Variants in RBFOX1 observed in about 807,000 individuals in gnomAD.
RBFOX1 encodes RNA binding protein fox-1 homolog 1.
In RBFOX1, 8 loss-of-function variants were observed where a neutral mutation model predicts 57.7. That is an observed-to-expected ratio of 0.14 (90% CI 0.08 to 0.25). RBFOX1 has a LOEUF of 0.25. Ranked by LOEUF, RBFOX1 falls within the 10% of genes least tolerant of loss-of-function variation. The pLI, the probability that RBFOX1 is intolerant of heterozygous loss-of-function variation, is 1.00. For missense variants in RBFOX1, 611 were observed against 548.5 expected (o/e 1.11, Z -1.14); for synonymous variants, 326 against 222.4 (o/e 1.47, Z -4.15).
intron 1 of RBFOX1, among the ~76,000 whole-genome samples, chr16:6,055,515 C>G (rs1179574611): frequency 6.7e-6 from 1 of 149,898 alleles, no homozygotes; most frequent in East Asian, 2.0e-4. Flanking sequence ...ATGGCATGAA[C>G]CCAGGAGGCA....
chr16:7,287,840 T>C (rs1479422170), intron 4 of RBFOX1, among the ~76,000 whole-genome samples: 1 of 152,210 alleles, frequency 6.6e-6, no homozygotes, highest in South Asian at 2.1e-4. Flanking sequence ...ATTATGGATT[T>C]GCATATTACC....
chr16:6,328,983 A>G (rs533304472), intron 2 of RBFOX1, among the ~76,000 whole-genome samples: 2 of 152,302 alleles, frequency 1.3e-5, no homozygotes, highest in East Asian at 3.9e-4. Context: ...TCCCTAGGAA[A>G]TCAGCAGCTG....
intron 3 of RBFOX1, among the ~76,000 whole-genome samples, chr16:5,665,505 G>A (rs985175095): frequency 2.0e-5 from 3 of 152,082 alleles, no homozygotes; most frequent in South Asian, 2.1e-4. Flanking sequence ...TGAAATAGTC[G>A]CCATTGATAA....
intron 3 of RBFOX1, among the ~76,000 whole-genome samples, chr16:5,818,263 G>A (rs1225923163): frequency 6.6e-6 from 1 of 152,114 alleles, no homozygotes; most frequent in East Asian, 1.9e-4. Context: ...TTGCATATGA[G>A]GCAATGGACT....
chr16:6,667,649 A>G (rs2098741010), intron 3 of RBFOX1, among the ~76,000 whole-genome samples: 1 of 152,068 alleles, frequency 6.6e-6, no homozygotes, highest in African/African-American at 2.4e-5. Context: ...TTTGGACACA[A>G]GTGGGAGGAT....
At chr16:6,935,390 C>T (rs1307360197) in intron 3 of RBFOX1, among the ~76,000 whole-genome samples, 3 of 152,164 alleles carry the variant, frequency 2.0e-5, no homozygotes, top group Admixed American at 6.5e-5. Flanking sequence ...GACACAATAC[C>T]ATGTGACTTC....
chr16:6,879,642 A>T (rs986649397), intron 3 of RBFOX1, among the ~76,000 whole-genome samples: 1 of 152,198 alleles, frequency 6.6e-6, no homozygotes, highest in African/African-American at 2.4e-5. Flanking sequence ...TAGGAGCTTC[A>T]AGTAAGGTCC....
chr16:6,464,409 C>T (rs138908578), intron 2 of RBFOX1, among the ~76,000 whole-genome samples: 10 of 138,666 alleles, frequency 7.2e-5, no homozygotes, highest in South Asian at 2.3e-4. Context: ...AAAATAGCTA[C>T]GCCAATACAC....
At chr16:6,036,012 A>T (rs1325875174) in intron 1 of RBFOX1, among the ~76,000 whole-genome samples, 1 of 152,158 alleles carries the variant, frequency 6.6e-6, no homozygotes, top group Non-Finnish European at 1.5e-5. Context: ...ATATACTATC[A>T]TCCTATGTAT....
intron 4 of RBFOX1, among the ~76,000 whole-genome samples, chr16:7,265,287 C>T (rs138601877): frequency 1.3e-5 from 2 of 151,660 alleles, no homozygotes; most frequent in Non-Finnish European, 2.9e-5. Context: ...ATCATGTGGT[C>T]TCGGTGGCTT....
chr16:7,214,423 C>G (rs1264995595), intron 4 of RBFOX1, among the ~76,000 whole-genome samples: 1 of 152,084 alleles, frequency 6.6e-6, no homozygotes, highest in African/African-American at 2.4e-5. Context: ...CATGGGCAGA[C>G]TGCTCCCTTC....
At position 7,396,863 on chromosome 16, in the gene RBFOX1, C is replaced by T. The variant is rs191589226; in HGVS notation, c.28-121284C>T. Among the ~76,000 whole-genome samples, 321 of 152,272 alleles carry T rather than the reference C, an allele frequency of 2.1e-3. 1 individual carries two copies. Among genetic ancestry groups the T allele is most frequent in the Non-Finnish European group, 3.7e-3 (252 of 68,030 alleles). ...GGCTGAGGCATGGGAATCACTTAAA[C>T]CCAGGAGACAGAGGTTGCAGTGAGC... On this transcript the variant is annotated intron_variant, in intron 4 of 15. Coordinates refer to ENST00000550418, the MANE Select transcript of RBFOX1 (RefSeq NM_018723.4).
chr16:5,516,857 G>C (rs774400735), intron 2 of RBFOX1, among the ~76,000 whole-genome samples: 10 of 152,124 alleles, frequency 6.6e-5, no homozygotes, highest in African/African-American at 1.9e-4. Context: ...TGCCATGATT[G>C]TAAGTTTCCT....
At chr16:7,211,489 A>C (rs2091130502) in intron 4 of RBFOX1, among the ~76,000 whole-genome samples, 1 of 151,970 alleles carries the variant, frequency 6.6e-6, no homozygotes, top group African/African-American at 2.4e-5. Context: ...TCTAGGCTCT[A>C]GGACTCTATC....
chr16:7,200,505 T>C (rs1363502349), intron 4 of RBFOX1, among the ~76,000 whole-genome samples: 1 of 152,220 alleles, frequency 6.6e-6, no homozygotes, highest in Non-Finnish European at 1.5e-5. Flanking sequence ...GATGTTGCAA[T>C]ATACCCCACA....
intron 2 of RBFOX1, among the ~76,000 whole-genome samples, chr16:6,425,623 A>T: frequency 6.6e-6 from 1 of 152,048 alleles, no homozygotes; most frequent in East Asian, 1.9e-4. Context: ...TGTGAAGAAA[A>T]TTGTTTGTTT....
chr16:6,855,383 G>A (rs1193500288), intron 3 of RBFOX1, among the ~76,000 whole-genome samples: 1 of 152,068 alleles, frequency 6.6e-6, no homozygotes, highest in African/African-American at 2.4e-5. Flanking sequence ...CGGGCGCAGT[G>A]GCTCACGCCT....
chr16:6,735,911 G>C (rs2070117320), intron 3 of RBFOX1, among the ~76,000 whole-genome samples: 1 of 117,842 alleles, frequency 8.5e-6, no homozygotes, highest in Non-Finnish European at 2.0e-5. Flanking sequence ...GAATGAGGGA[G>C]TTTTTGTCGC....
intron 5 of RBFOX1, among the ~76,000 whole-genome samples, chr16:7,539,382 C>A (rs913485628): frequency 5.3e-5 from 8 of 152,138 alleles, no homozygotes; most frequent in African/African-American, 1.9e-4. Context: ...TCCCTCATCT[C>A]TCTCTATTCC....
Sources: allele counts gnomAD v4.1 joint callset (sites outside exome capture counted in the v4.1 genomes callset), GRCh38; gene constraint gnomAD v4.1.1; transcripts MANE v1.5; gene names NCBI Gene and HGNC (gene_info 2026-07-23, HGNC 2026-07-21).